Variants in SPOCK1 observed in about 807,000 individuals in gnomAD.
The protein encoded by SPOCK1 is SPARC (osteonectin), cwcv and kazal like domains proteoglycan 1.
Under a neutral mutation model 55.3 loss-of-function variants are expected in SPOCK1, and 23 were observed. The observed-to-expected ratio is 0.42, with a 90% CI of 0.30 to 0.59. The LOEUF (loss-of-function observed/expected upper bound fraction) is 0.59. Ranked by LOEUF, SPOCK1 falls within the 20% of genes least tolerant of loss-of-function variation. The pLI, the probability that SPOCK1 is intolerant of heterozygous loss-of-function variation, is 0.22. For missense variants in SPOCK1, 499 were observed against 552.5 expected (o/e 0.90, Z 0.97); for synonymous variants, 226 against 221.0 (o/e 1.02, Z -0.20).
intron 3 of SPOCK1, among the ~76,000 whole-genome samples, chr5:137,236,412 G>A (rs1311351865): frequency 6.6e-6 from 1 of 152,254 alleles, no homozygotes; most frequent in Non-Finnish European, 1.5e-5. Context: ...GGGTTAAGCT[G>A]CCAAGGAAGG....
chr5:137,310,020 C>T (rs970142027), intron 2 of SPOCK1, among the ~76,000 whole-genome samples: 4 of 151,982 alleles, frequency 2.6e-5, no homozygotes, highest in African/African-American at 9.7e-5. Flanking sequence ...GTACAATAAC[C>T]CCAGAGGCAC....
intron 3 of SPOCK1, among the ~76,000 whole-genome samples, chr5:137,165,221 A>T (rs1443657034): frequency 6.6e-6 from 1 of 152,218 alleles, no homozygotes; most frequent in Non-Finnish European, 1.5e-5. Context: ...CTCAGAACAG[A>T]AAGAAAGACT....
intron 2 of SPOCK1, among the ~76,000 whole-genome samples, chr5:137,368,569 G>T (rs943258418): frequency 1.3e-5 from 2 of 152,164 alleles, no homozygotes; most frequent in African/African-American, 4.8e-5. Flanking sequence ...GTGCATGGGG[G>T]ACACACGCAG....
intron 2 of SPOCK1, among the ~76,000 whole-genome samples, chr5:137,487,260 G>A (rs1754078096): frequency 6.7e-6 from 1 of 148,246 alleles, no homozygotes; most frequent in African/African-American, 2.5e-5. Context: ...AAGTCTGGTT[G>A]ATGCTCATAA....
chr5:137,167,014 G>A lies in SPOCK1; in HGVS notation c.233-26320C>T, dbSNP rs1359576196. 5.9e-5 allele frequency among the ~76,000 whole-genome samples: 9 copies of A among 152,066 alleles called. 1 individual carries two copies. In the Middle Eastern group the frequency reaches 0.02, roughly 345 times the overall value. On this transcript the variant is annotated intron_variant, in intron 3 of 10. Transcript: ENST00000394945. ...AGTGGACTAAACTCTCCAATGAAAAGTCATAGAGTGGCTGAATGGATTTAA... is the reference window on the plus strand; with the variant it reads ...AGTGGACTAAACTCTCCAATGAAAAATCATAGAGTGGCTGAATGGATTTAA...
chr5:137,150,930 C>A (rs1380635251), intron 3 of SPOCK1, among the ~76,000 whole-genome samples: 2 of 152,150 alleles, frequency 1.3e-5, no homozygotes, highest in African/African-American at 4.8e-5. Context: ...CATCTCTCAA[C>A]AAGTCTAAAA....
chr5:137,454,021 T>C (rs1222899711), intron 2 of SPOCK1, among the ~76,000 whole-genome samples: 1 of 151,174 alleles, frequency 6.6e-6, no homozygotes, highest in Admixed American at 6.6e-5. Flanking sequence ...CTATCAAGAA[T>C]AAAAGACGGA....
intron 2 of SPOCK1, among the ~76,000 whole-genome samples, chr5:137,444,460 C>T (rs1013529180): frequency 1.3e-5 from 2 of 152,204 alleles, no homozygotes; most frequent in African/African-American, 4.8e-5. Context: ...GATCCCCTCT[C>T]TCAGGTGCTG....
At chr5:137,464,968 T>C (rs994613003) in intron 2 of SPOCK1, among the ~76,000 whole-genome samples, 1 of 151,842 alleles carries the variant, frequency 6.6e-6, no homozygotes. Context: ...AGAGAAAGAA[T>C]ATGACTCAGA....
intron 2 of SPOCK1, among the ~76,000 whole-genome samples, chr5:137,303,134 G>A (rs1757635486): frequency 1.3e-5 from 2 of 152,258 alleles, no homozygotes; most frequent in Admixed American, 1.3e-4. Flanking sequence ...GGCTTTTTGT[G>A]CCTCTGGGGT....
intron 2 of SPOCK1, among the ~76,000 whole-genome samples, chr5:137,322,683 G>A (rs1197823583): frequency 6.6e-6 from 1 of 150,652 alleles, no homozygotes; most frequent in African/African-American, 2.5e-5. Flanking sequence ...AAATGAAAAT[G>A]AGAAAGGAAT....
In SPOCK1 at chr5:137,057,763, G is replaced by A. The variant is rs374426542; in HGVS notation, c.589+9952C>T. ...TGTGGGGTGGAAGCCACTTACTTTC[G>A]TCTGGTGATAATTTCAATTTATTTT... On this transcript the variant is annotated intron_variant, in intron 6 of 10. Transcript: ENST00000394945. Among the ~76,000 whole-genome samples the A allele has an allele frequency of 7.2e-5, 11 of 152,204 alleles. No homozygotes were observed. In the East Asian group the frequency reaches 9.7e-4, roughly 13 times the overall value.
At chr5:137,224,643 A>G (rs761252391) in intron 3 of SPOCK1, among the ~76,000 whole-genome samples, 15 of 152,344 alleles carry the variant, frequency 9.8e-5, no homozygotes, top group Admixed American at 2.0e-4. Flanking sequence ...TGAGCTTAAT[A>G]AAACAGAAAC....
At chr5:137,205,826 C>G (rs1755510312) in intron 3 of SPOCK1, among the ~76,000 whole-genome samples, 1 of 152,204 alleles carries the variant, frequency 6.6e-6, no homozygotes, top group Non-Finnish European at 1.5e-5. Flanking sequence ...TTTTGCATAG[C>G]ACTTACATGT....
At chr5:137,431,095 T>A (rs567245268) in intron 2 of SPOCK1, among the ~76,000 whole-genome samples, 1 of 152,350 alleles carries the variant, frequency 6.6e-6, no homozygotes, top group South Asian at 2.1e-4. Context: ...GAGGGAGCCA[T>A]ACGGGAAAGA....
chr5:137,491,266 GGAATCA>G (rs1754171161), intron 2 of SPOCK1, among the ~76,000 whole-genome samples: 1 of 152,162 alleles, frequency 6.6e-6, no homozygotes, highest in African/African-American at 2.4e-5. Context: ...AGCTTTTCAC[GGAATCA>G]GAGATTGTGC....
At chr5:137,042,938 A>G (rs976859925) in intron 6 of SPOCK1, among the ~76,000 whole-genome samples, 3 of 152,186 alleles carry the variant, frequency 2.0e-5, no homozygotes, top group African/African-American at 7.2e-5. Flanking sequence ...CAGAACAACA[A>G]CATTCCCGAA....
intron 2 of SPOCK1, among the ~76,000 whole-genome samples, chr5:137,316,925 C>T (rs555741643): frequency 6.6e-6 from 1 of 152,182 alleles, no homozygotes; most frequent in African/African-American, 2.4e-5. Context: ...CATTTAAGAA[C>T]CAAAGCCCCC....
intron 7 of SPOCK1, among the ~76,000 whole-genome samples, chr5:136,990,760 T>C (rs1750935032): frequency 6.6e-6 from 1 of 152,188 alleles, no homozygotes; most frequent in South Asian, 2.1e-4. Context: ...TTTTAATGCA[T>C]AAGGCAAGAG....
Sources: allele counts gnomAD v4.1 joint callset (sites outside exome capture counted in the v4.1 genomes callset), GRCh38; gene constraint gnomAD v4.1.1; transcripts MANE v1.5; gene names NCBI Gene and HGNC (gene_info 2026-07-23, HGNC 2026-07-21).